Variants in TYW1B observed in about 807,000 individuals in gnomAD.
The protein encoded by TYW1B is S-adenosyl-L-methionine-dependent tRNA 4-demethylwyosine synthase TYW1B.
Under a neutral mutation model 86.9 loss-of-function variants are expected in TYW1B, and 73 were observed. The observed-to-expected ratio is 0.84, with a 90% CI of 0.70 to 1.02. The LOEUF (loss-of-function observed/expected upper bound fraction) is 1.02. TYW1B is among the 50% of genes least tolerant of loss of function. TYW1B has a pLI of 0.00. For missense variants in TYW1B, 637 were observed against 827.4 expected (o/e 0.77, Z 2.82); for synonymous variants, 248 against 292.8 (o/e 0.85, Z 1.56).
chr7:72,628,038 T>A (rs1812393367), intron 12 of TYW1B, among the ~76,000 whole-genome samples: 1 of 152,190 alleles, frequency 6.6e-6, no homozygotes, highest in African/African-American at 2.4e-5. Context: ...ACACCTATAA[T>A]CCCAGCACTC....
intron 5 of TYW1B, among the ~76,000 whole-genome samples, chr7:72,805,430 G>C (rs1282975317): frequency 6.6e-6 from 1 of 151,004 alleles, no homozygotes; most frequent in Non-Finnish European, 1.5e-5. Flanking sequence ...TGGGCAACAT[G>C]GTGAAACTCC....
chr7:72,795,112 G>A (rs542558116), intron 6 of TYW1B, among the ~76,000 whole-genome samples: 5 of 151,822 alleles, frequency 3.3e-5, no homozygotes, highest in Non-Finnish European at 7.4e-5. Flanking sequence ...AATTCAGCAT[G>A]CCCGGCCTCC....
At chr7:72,700,419 T>C (rs1456412068) in intron 10 of TYW1B, among the ~76,000 whole-genome samples, 2 of 152,126 alleles carry the variant, frequency 1.3e-5, no homozygotes, top group African/African-American at 4.8e-5. Flanking sequence ...GTGATCCACC[T>C]GCCTCAGCCT....
At chr7:72,811,568 C>A (rs558959887) in intron 3 of TYW1B, among the ~76,000 whole-genome samples, 184 of 151,918 alleles carry the variant, frequency 1.2e-3, no homozygotes, top group Middle Eastern at 6.8e-3. Flanking sequence ...ACCATGTTCT[C>A]GGTTCATTAC....
intron 11 of TYW1B, among the ~76,000 whole-genome samples, chr7:72,641,747 CTG>C (rs1812804715): frequency 6.6e-6 from 1 of 152,114 alleles, no homozygotes; most frequent in Non-Finnish European, 1.5e-5. Flanking sequence ...TTACACAAGA[CTG>C]TAAATGTATG....
At chr7:72,754,027 C>A (rs1275158160) in intron 7 of TYW1B, among the ~76,000 whole-genome samples, 1 of 152,094 alleles carries the variant, frequency 6.6e-6, no homozygotes, top group East Asian at 1.9e-4. Flanking sequence ...GGCATGCTAG[C>A]CCTACTTCAA....
At chr7:72,663,719 A>G (rs1309058414) in intron 11 of TYW1B, among the ~76,000 whole-genome samples, 4 of 133,084 alleles carry the variant, frequency 3.0e-5, no homozygotes, top group Admixed American at 9.0e-5. Context: ...AGCCGAGATC[A>G]CGCCACTGCA....
chr7:72,628,583 C>G (rs1812409302), intron 12 of TYW1B, among the ~76,000 whole-genome samples: 1 of 152,100 alleles, frequency 6.6e-6, no homozygotes, highest in Non-Finnish European at 1.5e-5. Flanking sequence ...CACCACCACA[C>G]TATTTTATTT....
At chr7:72,759,044 T>G (rs1211647216) in intron 7 of TYW1B, among the ~76,000 whole-genome samples, 1 of 152,150 alleles carries the variant, frequency 6.6e-6, no homozygotes, top group Non-Finnish European at 1.5e-5. Context: ...TAAAAGCCAC[T>G]AGGTGGCCAG....
At chr7:72,786,199 C>A (rs556051671) in intron 6 of TYW1B, among the ~76,000 whole-genome samples, 1 of 152,114 alleles carries the variant, frequency 6.6e-6, no homozygotes, top group Non-Finnish European at 1.5e-5. Context: ...TATCCCATAT[C>A]CCCTAGAAAT....
At chr7:72,750,265 C>A (rs1259976993) in intron 7 of TYW1B, among the ~76,000 whole-genome samples, 1 of 152,146 alleles carries the variant, frequency 6.6e-6, no homozygotes, top group African/African-American at 2.4e-5. Context: ...GCAACAAATT[C>A]TTTCCATTTT....
At chr7:72,632,395 T>TACGC (rs1812540424) in intron 11 of TYW1B, among the ~76,000 whole-genome samples, 2 of 107,402 alleles carry the variant, frequency 1.9e-5, no homozygotes, top group African/African-American at 9.4e-5. Context: ...TACGTATATA[T>TACGC]ATATAATATA....
intron 6 of TYW1B, among the ~76,000 whole-genome samples, chr7:72,785,801 T>C (rs1554472334): frequency 6.6e-6 from 1 of 152,070 alleles, no homozygotes; most frequent in Non-Finnish European, 1.5e-5. Flanking sequence ...AGGGAATGTG[T>C]GAGCCAGCCC....
chr7:72,587,447 G>A (rs1554430680), intron 13 of TYW1B, among the ~76,000 whole-genome samples: 1 of 152,166 alleles, frequency 6.6e-6, no homozygotes. Context: ...AACTTGGTGG[G>A]TGGGGGGAAG....
At chr7:72,716,126 A>T (rs1440768063) in intron 9 of TYW1B, among the ~76,000 whole-genome samples, 3 of 152,110 alleles carry the variant, frequency 2.0e-5, no homozygotes, top group East Asian at 3.9e-4. Flanking sequence ...TTTAGTAGAG[A>T]TGGGGTTTCA....
chr7:72,675,690 A>G (rs1554447296), intron 11 of TYW1B, among the ~76,000 whole-genome samples: 1 of 151,944 alleles, frequency 6.6e-6, no homozygotes, highest in Admixed American at 6.6e-5. Flanking sequence ...CTCCACAGTC[A>G]TCATAGTTCA....
chr7:72,726,421 C>T (rs531229535), intron 9 of TYW1B, among the ~76,000 whole-genome samples: 3 of 149,894 alleles, frequency 2.0e-5, no homozygotes, highest in Admixed American at 6.7e-5. Flanking sequence ...AGTCCAGTGG[C>T]ATGTGAACTC....
At chr7:72,722,925 C>T (rs1786930659) in intron 9 of TYW1B, 7 of 713,040 alleles carry the variant, frequency 9.8e-6, no homozygotes, top group Admixed American at 7.4e-5. Flanking sequence ...GTGGAGTCTT[C>T]CACACCCAGC....
At chr7:72,802,685 A>T (rs1788424408) in intron 5 of TYW1B, among the ~76,000 whole-genome samples, 163 bp from the exon 6 acceptor site, 1 of 151,682 alleles carries the variant, frequency 6.6e-6, no homozygotes, top group Admixed American at 6.6e-5. Context: ...CAGTGGCGTC[A>T]TCTCGGCTCA....
Sources: gnomAD v4.1 joint callset for allele counts (sites outside exome capture counted in the v4.1 genomes callset) on GRCh38, gnomAD v4.1.1 for gene constraint, MANE v1.5 for transcripts, NCBI Gene and HGNC (gene_info 2026-07-23, HGNC 2026-07-21) for gene names.